Variants in PLCG2 observed in about 807,000 individuals in gnomAD.
The protein encoded by PLCG2 is phospholipase C gamma 2, also known as 1-phosphatidylinositol 4,5-bisphosphate phosphodiesterase gamma-2.
PLCG2 carries 69 observed loss-of-function variants against 175.6 expected under a neutral mutation model. The ratio of observed to expected loss-of-function variants is 0.39; its 90% confidence interval spans 0.32 to 0.48. The LOEUF (loss-of-function observed/expected upper bound fraction) is 0.48. Ranked by LOEUF, PLCG2 falls within the 20% of genes least tolerant of loss-of-function variation. PLCG2 has a pLI of 0.91. For synonymous variants in PLCG2, 827 were observed against 624.0 expected (o/e 1.33, Z -4.85); for missense variants, 1,798 against 1,650.9 (o/e 1.09, Z -1.54).
intron 2 of PLCG2, among the ~76,000 whole-genome samples, chr16:81,820,872 C>G (rs1338743804): frequency 6.6e-6 from 1 of 151,688 alleles, no homozygotes; most frequent in Non-Finnish European, 1.5e-5. Context: ...CCGCCCACCT[C>G]AGCCTCCTGA....
chr16:81,919,752 A>G, intron 20 of PLCG2, 88 bp downstream of exon 20: 1 of 1,139,442 alleles, frequency 8.8e-7, no homozygotes, highest in Non-Finnish European at 1.3e-6. Context: ...ACCTCTGAGT[A>G]TTCACCATGT....
At chr16:81,910,010 T>C (rs936305035) in intron 17 of PLCG2, among the ~76,000 whole-genome samples, 2 of 12,692 alleles carry the variant, frequency 1.6e-4, no homozygotes, top group Non-Finnish European at 3.2e-4. Flanking sequence ...GGGGATGGGG[T>C]GGGGTGGGGT....
chr16:81,931,030 C>T (rs1301992173), intron 24 of PLCG2, among the ~76,000 whole-genome samples: 1 of 152,042 alleles, frequency 6.6e-6, no homozygotes, highest in Non-Finnish European at 1.5e-5. Flanking sequence ...TTCTTTTGAT[C>T]AAGACGAACA....
At chr16:81,869,791 T>C (rs766173561) in intron 6 of PLCG2, among the ~76,000 whole-genome samples, 2 of 152,194 alleles carry the variant, frequency 1.3e-5, no homozygotes, top group Admixed American at 6.5e-5. Flanking sequence ...TTTTGTTGTG[T>C]AATCAAGTTA....
intron 2 of PLCG2, among the ~76,000 whole-genome samples, chr16:81,792,520 A>G (rs1302285760): frequency 6.6e-6 from 1 of 150,994 alleles, no homozygotes; most frequent in African/African-American, 2.4e-5. Context: ...AAGACAAAAC[A>G]AAACAAAAAC....
chr16:81,957,185 G>A (rs1911608312), intron 32 of PLCG2, among the ~76,000 whole-genome samples: 1 of 152,158 alleles, frequency 6.6e-6, no homozygotes, highest in African/African-American at 2.4e-5. Context: ...TGTAATCCCA[G>A]CTACTTGGGA....
Position 81,763,967 on chromosome 16 carries a change from A to G in PLCG2, c.-48+8001A>G, listed in dbSNP as rs552479271. ...GGGCGACAGAGAGACTCTGTCTCAA[A>G]AAACAAAAACAAAAACAAACAAAAA... On this transcript the variant is annotated intron_variant, in intron 2 of 5. Coordinates refer to the PLCG2 transcript ENST00000565054. Among the ~76,000 whole-genome samples the G allele has an allele frequency of 4.6e-5, 7 of 151,824 alleles. No homozygotes were observed. The South Asian group carries it at 1.0e-3, about 23-fold the overall frequency.
chr16:81,832,356 A>G (rs1240981848), intron 2 of PLCG2, among the ~76,000 whole-genome samples: 1 of 152,146 alleles, frequency 6.6e-6, no homozygotes, highest in African/African-American at 2.4e-5. Context: ...TCCCTAATGC[A>G]TGCTCTTCTT....
chr16:81,755,059 T>C (rs1203737223), intron 1 of PLCG2, among the ~76,000 whole-genome samples: 2 of 152,152 alleles, frequency 1.3e-5, no homozygotes, highest in African/African-American at 2.4e-5. Flanking sequence ...CCTCACTTCC[T>C]CTGCTATTGT....
intron 2 of PLCG2, among the ~76,000 whole-genome samples, chr16:81,838,904 G>A (rs117917414): frequency 0.016 from 2,365 of 151,678 alleles, 22 homozygotes; most frequent in Non-Finnish European, 0.024. Flanking sequence ...CTCGGGTCCC[G>A]GTGACCCAGT....
chr16:81,814,605 G>A (rs947474116), intron 2 of PLCG2, among the ~76,000 whole-genome samples: 9 of 152,106 alleles, frequency 5.9e-5, no homozygotes, highest in Non-Finnish European at 1.3e-4. Context: ...TGAGGCAGGA[G>A]AATCACTTGA....
chr16:81,760,977 C>T (rs1225188693), intron 2 of PLCG2, among the ~76,000 whole-genome samples: 1 of 152,076 alleles, frequency 6.6e-6, no homozygotes, highest in African/African-American at 2.4e-5. Flanking sequence ...GATCTCAGCT[C>T]ACGGCAACAG....
chr16:81,870,819 A>C (rs1472670183), intron 6 of PLCG2, 33 bp from the exon 7 acceptor site: 2 of 1,255,448 alleles, frequency 1.6e-6, no homozygotes, highest in African/African-American at 3.3e-5. Context: ...GTGGACATCA[A>C]AAATCATGTG....
intron 2 of PLCG2, among the ~76,000 whole-genome samples, chr16:81,830,190 C>T (rs903521526): frequency 2.6e-5 from 4 of 151,950 alleles, no homozygotes; most frequent in African/African-American, 7.3e-5. Flanking sequence ...CATGTTGGCA[C>T]GCATCTGTGG....
At chr16:81,799,803 C>T (rs1911641889) in intron 2 of PLCG2, among the ~76,000 whole-genome samples, 1 of 151,970 alleles carries the variant, frequency 6.6e-6, no homozygotes. Flanking sequence ...CCGTGTTAGC[C>T]AGGATGGTCT....
At chr16:81,814,596 G>A (rs1465948660) in intron 2 of PLCG2, among the ~76,000 whole-genome samples, 2 of 152,152 alleles carry the variant, frequency 1.3e-5, no homozygotes, top group Non-Finnish European at 2.9e-5. Context: ...TCGGGAGGCT[G>A]AGGCAGGAGA....
At chr16:81,865,629 G>A (rs180870043) in intron 5 of PLCG2, among the ~76,000 whole-genome samples, 1 of 152,218 alleles carries the variant, frequency 6.6e-6, no homozygotes. Flanking sequence ...CCTTTGCCCT[G>A]CTGCTGTCTG....
intron 5 of PLCG2, among the ~76,000 whole-genome samples, chr16:81,865,568 C>T (rs187983619): frequency 2.0e-5 from 3 of 152,318 alleles, no homozygotes; most frequent in Admixed American, 6.5e-5. Context: ...TGAGCAGCTG[C>T]TCTGGCACCC....
intron 1 of PLCG2, among the ~76,000 whole-genome samples, chr16:81,740,871 A>G (rs1909578774): frequency 6.6e-6 from 1 of 151,604 alleles, no homozygotes; most frequent in African/African-American, 2.4e-5. Context: ...AATGAAACCA[A>G]CCCATTGAGG....
Sources: gnomAD v4.1 joint callset for allele counts (sites outside exome capture counted in the v4.1 genomes callset) on GRCh38, gnomAD v4.1.1 for gene constraint, MANE v1.5 for transcripts, NCBI Gene and HGNC (gene_info 2026-07-23, HGNC 2026-07-21) for gene names.